The following SPIDR variants were observed in gnomAD, a reference collection of about 807,000 sequenced individuals.
SPIDR encodes the protein DNA repair-scaffolding protein.
Under a neutral mutation model 104.6 loss-of-function variants are expected in SPIDR, and 93 were observed. The ratio of observed to expected loss-of-function variants is 0.89; its 90% CI spans 0.75 to 1.06. The LOEUF (loss-of-function observed/expected upper bound fraction) is 1.06. SPIDR is among the 50% of genes least tolerant of loss of function. The pLI is 0.00. For missense variants in SPIDR, 1,154 were observed against 1,111.2 expected (o/e 1.04, Z -0.55); for synonymous variants, 431 against 416.9 (o/e 1.03, Z -0.41).
chr8:47,697,606 C>T (rs577001929), intron 11 of SPIDR: 71 of 152,492 alleles, frequency 4.7e-4, no homozygotes, highest in African/African-American at 1.7e-3. Flanking sequence ...GTTCTGCAGC[C>T]TGTGCTGCAG....
At position 47,655,024 on chromosome 8, in the gene SPIDR, G is replaced by C. The variant is rs898342488; in HGVS notation, c.1545-18777G>C. On this transcript the variant is annotated intron_variant, in intron 10 of 19. Transcript: ENST00000297423. ...AGTTTGCTGAGAATGATGGTTTCCA[G>C]CTTCATCCATGTCCCTACAAAGGAC... 2.6e-5 allele frequency among the ~76,000 whole-genome samples: 4 copies of C among 152,176 alleles called. No individual in the cohort carries two copies. In the East Asian group the frequency reaches 5.8e-4, roughly 22 times the overall value.
intron 1 of SPIDR, among the ~76,000 whole-genome samples, chr8:47,275,553 T>G (rs1238915309): frequency 1.3e-5 from 2 of 152,190 alleles, no homozygotes; most frequent in Non-Finnish European, 2.9e-5. Context: ...TGCATATATT[T>G]TTTAGTTTCC....
intron 8 of SPIDR, among the ~76,000 whole-genome samples, chr8:47,504,870 G>T (rs368011305): frequency 6.6e-6 from 1 of 152,226 alleles, no homozygotes. Flanking sequence ...CTCAGCTGCA[G>T]GTCTGTTGGA....
Position 47,554,693 on chromosome 8 carries a change from G to A in SPIDR, c.1098-41118G>A, listed in dbSNP as rs192697981. On this transcript the variant is annotated intron_variant, in intron 8 of 19. Transcript: ENST00000297423. ...GAAAGGGAATTCCCCGACCCCTTGCGCTTCCCGGGTGAGGCAGTGCCCCAC... is the reference window on the plus strand; with the variant it reads ...GAAAGGGAATTCCCCGACCCCTTGCACTTCCCGGGTGAGGCAGTGCCCCAC... Among the ~76,000 whole-genome samples, 443 of 152,260 alleles carry A rather than the reference G, an allele frequency of 2.9e-3. 1 individual carries two copies. The highest frequency in any genetic ancestry group is 5.0e-3 in the Non-Finnish European group (341 of 68,012).
At chr8:47,409,065 A>G (rs372027029) in intron 7 of SPIDR, among the ~76,000 whole-genome samples, 16 of 152,332 alleles carry the variant, frequency 1.1e-4, no homozygotes, top group African/African-American at 3.8e-4. Flanking sequence ...GCACGCCTGT[A>G]GTCCCAGCTA....
intron 1 of SPIDR, among the ~76,000 whole-genome samples, chr8:47,265,046 C>T (rs2154210453): frequency 6.6e-6 from 1 of 152,192 alleles, no homozygotes; most frequent in Admixed American, 6.5e-5. Flanking sequence ...TCAAGTTTTT[C>T]AGTGATGGCA....
At chr8:47,320,427 A>G (rs1400793697) in intron 5 of SPIDR, among the ~76,000 whole-genome samples, 3 of 152,194 alleles carry the variant, frequency 2.0e-5, no homozygotes, top group Non-Finnish European at 4.4e-5. Flanking sequence ...ACGGACCAAT[A>G]ACAGGCTCTG....
intron 8 of SPIDR, among the ~76,000 whole-genome samples, chr8:47,523,627 G>T (rs1435114884): frequency 6.6e-6 from 1 of 152,166 alleles, no homozygotes; most frequent in Non-Finnish European, 1.5e-5. Context: ...TGGTGATGGG[G>T]GTCAGGCTGG....
At chr8:47,386,898 G>A (rs1162424988) in intron 5 of SPIDR, among the ~76,000 whole-genome samples, 1 of 78,504 alleles carries the variant, frequency 1.3e-5, no homozygotes, top group Non-Finnish European at 2.7e-5. Flanking sequence ...GAGAAAGAGA[G>A]AGAGAGATAT....
rs558737995 is a variant in SPIDR at position 47,621,232 on chromosome 8, G to A, written c.1544+22036G>A. Among the ~76,000 whole-genome samples the A allele has an allele frequency of 1.2e-4, 18 of 152,366 alleles. No individual in the cohort carries two copies. The East Asian group carries it at 1.7e-3, about 15-fold the overall frequency. On this transcript the variant is annotated intron_variant, in intron 10 of 19. Coordinates refer to ENST00000297423, the MANE Select transcript of SPIDR (RefSeq NM_001080394.4). ...GGCCTCCCAAAGTGCTGGGATTACA[G>A]GCGTGAGCCACCACGCCCGGCCAAT...
intron 1 of SPIDR, among the ~76,000 whole-genome samples, chr8:47,268,044 T>C (rs2034459965): frequency 1.3e-5 from 2 of 152,336 alleles, no homozygotes; most frequent in South Asian, 4.1e-4. Flanking sequence ...CTTCATTCTT[T>C]TCGATGTGGA....
chr8:47,316,505 A>G (rs908463949), intron 5 of SPIDR, among the ~76,000 whole-genome samples: 4 of 152,196 alleles, frequency 2.6e-5, no homozygotes, highest in Non-Finnish European at 5.9e-5. Context: ...ATAGTCATAA[A>G]TGGAATACAA....
intron 8 of SPIDR, among the ~76,000 whole-genome samples, chr8:47,544,425 G>T (rs534992555): frequency 5.3e-5 from 8 of 152,176 alleles, no homozygotes; most frequent in Non-Finnish European, 7.4e-5. Context: ...TTGATGTCAC[G>T]TCTAAGAACT....
intron 11 of SPIDR, among the ~76,000 whole-genome samples, chr8:47,678,653 C>T (rs762354102): frequency 1.3e-4 from 20 of 152,096 alleles, no homozygotes; most frequent in Non-Finnish European, 2.8e-4. Flanking sequence ...ACAGGAAAGG[C>T]ATGGGCTAAG....
chr8:47,262,994 C>T (rs1046775174), intron 1 of SPIDR, among the ~76,000 whole-genome samples: 6 of 152,176 alleles, frequency 3.9e-5, no homozygotes, highest in African/African-American at 1.4e-4. Context: ...TAATTTACTG[C>T]AGAACTTATC....
chr8:47,330,150 G>A (rs1367917882), intron 5 of SPIDR, among the ~76,000 whole-genome samples: 2 of 151,070 alleles, frequency 1.3e-5, no homozygotes, highest in Non-Finnish European at 2.9e-5. Context: ...ATCTAAAAAT[G>A]TATTTATCAT....
chr8:47,393,814 T>A (rs1416746352), intron 5 of SPIDR, among the ~76,000 whole-genome samples: 1 of 148,312 alleles, frequency 6.7e-6, no homozygotes, highest in East Asian at 2.0e-4. Flanking sequence ...TTTTCCATCC[T>A]TTCTTTGTTT....
chr8:47,608,399 T>C (rs372433204), intron 10 of SPIDR, among the ~76,000 whole-genome samples: 19 of 152,372 alleles, frequency 1.2e-4, no homozygotes, highest in African/African-American at 4.3e-4. Context: ...AGTGCTACTA[T>C]GAATATCTGC....
rs1302779129 is a variant in SPIDR at position 47,291,082 on chromosome 8, C to T, written c.306C>T (p.Ser102=). 2 of 1,613,068 alleles carry T rather than the reference C, an allele frequency of 1.2e-6. No homozygotes were observed. The highest frequency in any genetic ancestry group is 1.7e-6 in the Non-Finnish European group (2 of 1,179,486). Residue 102 remains serine, a synonymous_variant, in exon 4 of 20, where the codon AGC becomes AGT. Transcript: ENST00000297423. Reference sequence around the variant, plus strand: ...GTGGGCTTACAGACATAACATGGAGCTCCAGTGGAAGTGATTTGTCGGATG... The same window carrying T: ...GTGGGCTTACAGACATAACATGGAGTTCCAGTGGAAGTGATTTGTCGGATG... ...STSGLTDITW[S]SSGSDLSDED...
Sources: gnomAD v4.1 joint callset for allele counts (sites outside exome capture counted in the v4.1 genomes callset) on GRCh38, gnomAD v4.1.1 for gene constraint, MANE v1.5 for transcripts, NCBI Gene and HGNC (gene_info 2026-07-23, HGNC 2026-07-21) for gene names.